The following SORCS2 variants were observed in gnomAD, a reference collection of about 807,000 sequenced individuals.
SORCS2 encodes the protein VPS10 domain-containing receptor SorCS2.
A neutral mutation model predicts 141.6 loss-of-function variants in SORCS2; 100 were observed. The ratio of observed to expected loss-of-function variants is 0.71; its 90% confidence interval spans 0.60 to 0.83. The LOEUF is 0.83. Among genes scored for constraint, SORCS2 ranks in the 40% least tolerant of loss-of-function variants. The pLI, the probability that SORCS2 is intolerant of heterozygous loss-of-function variation, is 0.00. For synonymous variants in SORCS2, 789 were observed against 676.9 expected (o/e 1.17, Z -2.57); for missense variants, 1,646 against 1,560.2 (o/e 1.05, Z -0.93).
intron 10 of SORCS2, among the ~76,000 whole-genome samples, chr4:7,683,448 A>G (rs886951221): frequency 2.1e-4 from 32 of 151,796 alleles, no homozygotes; most frequent in African/African-American, 7.3e-4. Flanking sequence ...TGCTCATGTC[A>G]GGGAATGGAC....
intron 3 of SORCS2, among the ~76,000 whole-genome samples, chr4:7,624,465 A>G (rs1719397387): frequency 6.6e-6 from 1 of 152,218 alleles, no homozygotes; most frequent in South Asian, 2.1e-4. Flanking sequence ...ATTTTAACCA[A>G]TTTGACCAGC....
intron 13 of SORCS2, 59 bp downstream of exon 13, chr4:7,703,430 C>T (rs1725210545): frequency 7.1e-7 from 1 of 1,417,730 alleles, no homozygotes; most frequent in Non-Finnish European, 9.7e-7. Flanking sequence ...TTCTTTCCAC[C>T]TGGGAACCCT....
At chr4:7,703,772 C>T (rs1031521605) in intron 13 of SORCS2, among the ~76,000 whole-genome samples, 30 of 152,194 alleles carry the variant, frequency 2.0e-4, no homozygotes, top group Admixed American at 2.0e-4. Context: ...GGCGTGAACT[C>T]GGGACCCAGA....
At chr4:7,269,823 C>T (rs1479621426) in intron 1 of SORCS2, among the ~76,000 whole-genome samples, 1 of 152,180 alleles carries the variant, frequency 6.6e-6, no homozygotes, top group Non-Finnish European at 1.5e-5. Context: ...CTGTGAGCCA[C>T]CCACTGTGTG....
chr4:7,408,785 G>T lies in SORCS2; in HGVS notation c.548+12430G>T, dbSNP rs1344311920. Among the ~76,000 whole-genome samples the T allele has an allele frequency of 2.6e-5, 4 of 151,984 alleles. No homozygotes were observed. The East Asian group carries it at 5.8e-4, about 22-fold the overall frequency. ...TTTCTGTATTTTGCAGGTGATCTTTGTTCCTTTTTATTCTTTTTTCTTTTT... is the reference window on the plus strand; with the variant it reads ...TTTCTGTATTTTGCAGGTGATCTTTTTTCCTTTTTATTCTTTTTTCTTTTT... On this transcript the variant is annotated intron_variant, in intron 2 of 26. Coordinates refer to ENST00000507866, the MANE Select transcript of SORCS2 (RefSeq NM_020777.3).
chr4:7,351,402 G>T (rs1477125473), intron 1 of SORCS2, among the ~76,000 whole-genome samples: 4 of 152,086 alleles, frequency 2.6e-5, no homozygotes. Context: ...TCTCCTTCCA[G>T]CTCTGCTCTG....
intron 3 of SORCS2, among the ~76,000 whole-genome samples, chr4:7,589,109 G>A (rs758776866): frequency 2.0e-5 from 3 of 152,178 alleles, no homozygotes; most frequent in Admixed American, 6.5e-5. Context: ...GGTTCAGCAG[G>A]CTCGGAGTTG....
In SORCS2 at chr4:7,192,550, C is replaced by G. The variant is rs1560446143; in HGVS notation, c.-97C>G. Reference sequence around the variant, plus strand: ...CCCCTCGCCGGCTCCTTTCTCTGCGCTCTCGCTCGCGCTCCCCAGCGCCCT... The same window carrying G: ...CCCCTCGCCGGCTCCTTTCTCTGCGGTCTCGCTCGCGCTCCCCAGCGCCCT... On this transcript the variant is annotated 5_prime_UTR_variant, in exon 1 of 27. Transcript: ENST00000507866. This position sits in a 1 kb window ranked among gnomAD's most constrained non-coding sequence, Gnocchi z 4.0. 7.3e-6 allele frequency: 7 copies of G among 965,342 alleles called. No individual in the cohort carries two copies. The highest frequency in any genetic ancestry group is 8.6e-6 in the Non-Finnish European group (7 of 812,144). 59.8% of individuals were successfully genotyped at this position (965,342 alleles called of 1,614,324 possible). A position where few individuals can be genotyped will look rare whatever the true frequency, so the allele number is the denominator to read the frequency against.
Position 7,636,202 on chromosome 4 carries a change from A to C in SORCS2, c.649-2126A>C, listed in dbSNP as rs1483287444. On this transcript the variant is annotated intron_variant, in intron 3 of 26. Transcript: ENST00000507866. ...TGTGTGGCTAAGAACAGGGCTCTGG[A>C]GTCAAATGCTTGGCTCCAAAGGGAG... Among the ~76,000 whole-genome samples the C allele has an allele frequency of 1.4e-3, 207 of 152,258 alleles. 5 individuals are homozygous for C. Among genetic ancestry groups the C allele is most frequent in the Middle Eastern group, 3.4e-3 (1 of 294 alleles).
intron 1 of SORCS2, among the ~76,000 whole-genome samples, chr4:7,301,911 C>T (rs901820440): frequency 2.0e-5 from 3 of 152,220 alleles, no homozygotes; most frequent in Admixed American, 6.5e-5. Context: ...ACATCAGTGC[C>T]ATGGCGCCTC....
In SORCS2 at chr4:7,193,261, G is replaced by A. The variant is rs975694384; in HGVS notation, c.480+135G>A. 1 of 1,184,430 alleles carries A rather than the reference G, an allele frequency of 8.4e-7. No individual in the cohort carries two copies. Among genetic ancestry groups the A allele is most frequent in the African/African-American group, 1.6e-5 (1 of 62,600 alleles). The allele number at this position is 1,184,430 out of a possible 1,614,324, so 73.4% of individuals were successfully genotyped here. A position where few individuals can be genotyped will look rare whatever the true frequency, so the allele number is the denominator to read the frequency against. On this transcript the variant is annotated intron_variant, in intron 1 of 26. Transcript: ENST00000507866. The surrounding 1 kb of genome is among the most constrained non-coding windows in gnomAD (Gnocchi z 4.8). ...GGGTTCTTGGCGACTTGGGCACTTG[G>A]GTCACCTCGGCCGCGCCCCTACTGG...
chr4:7,303,634 G>GTATATGGTGC (rs1717592822), intron 1 of SORCS2, among the ~76,000 whole-genome samples: 1 of 152,220 alleles, frequency 6.6e-6, no homozygotes, highest in South Asian at 2.1e-4. Flanking sequence ...GGGAGCTGAG[G>GTATATGGTGC]TATATGGTGC....
At chr4:7,327,948 C>A (rs756690624) in intron 1 of SORCS2, among the ~76,000 whole-genome samples, 2 of 151,410 alleles carry the variant, frequency 1.3e-5, no homozygotes, top group Non-Finnish European at 2.9e-5. Flanking sequence ...TATGACACGT[C>A]TCAGGAACTT....
intron 3 of SORCS2, among the ~76,000 whole-genome samples, chr4:7,631,047 C>CTTT (rs11356756): frequency 3.0e-5 from 4 of 131,402 alleles, no homozygotes; most frequent in South Asian, 4.9e-4. Flanking sequence ...TTTTCCTTTT[C>CTTT]TTTTTTTTTT....
At chr4:7,434,333 G>T in intron 2 of SORCS2, 1 of 1,610,930 alleles carries the variant, frequency 6.2e-7, no homozygotes, top group Non-Finnish European at 8.5e-7. Context: ...TCTTGGCACA[G>T]AGCTCCTTCA....
chr4:7,506,498 T>G (rs966344623), intron 2 of SORCS2, among the ~76,000 whole-genome samples: 5 of 151,926 alleles, frequency 3.3e-5, no homozygotes, highest in African/African-American at 1.2e-4. Flanking sequence ...ACCCACTCAT[T>G]CATTCATTTG....
intron 2 of SORCS2, among the ~76,000 whole-genome samples, chr4:7,527,773 C>G (rs1442069997): frequency 2.0e-5 from 3 of 152,076 alleles, no homozygotes; most frequent in Non-Finnish European, 4.4e-5. Flanking sequence ...TCCTTATGCA[C>G]AGATGAGAGA....
chr4:7,598,951 G>A (rs960885277), intron 3 of SORCS2, among the ~76,000 whole-genome samples: 2 of 152,204 alleles, frequency 1.3e-5, no homozygotes, highest in African/African-American at 4.8e-5. Flanking sequence ...CCTGGCTGTT[G>A]TTTTCCATTG....
intron 1 of SORCS2, among the ~76,000 whole-genome samples, chr4:7,250,447 A>G (rs1713419102): frequency 6.6e-6 from 1 of 152,218 alleles, no homozygotes; most frequent in Non-Finnish European, 1.5e-5. Context: ...CTTATTCCAG[A>G]GACATTTCGT....
Sources: gnomAD v4.1 joint callset for allele counts (sites outside exome capture counted in the v4.1 genomes callset) on GRCh38, gnomAD v4.1.1 for gene constraint, Gnocchi (gnomAD v3.1) non-coding constraint, MANE v1.5 for transcripts, NCBI Gene and HGNC (gene_info 2026-07-23, HGNC 2026-07-21) for gene names.